BMS1: variants seen among roughly 807,000 people sequenced by gnomAD.
BMS1 encodes BMS1 ribosome biogenesis factor, also known as ribosome biogenesis protein BMS1 homolog.
Under a neutral mutation model 138.7 loss-of-function variants are expected in BMS1, and 53 were observed. The observed-to-expected ratio is 0.38, with a 90% CI of 0.31 to 0.48. The LOEUF (loss-of-function observed/expected upper bound fraction) is 0.48, where lower values mean the gene tolerates loss of function less well. Among genes scored for constraint, BMS1 ranks in the 20% least tolerant of loss-of-function variants. The probability of loss-of-function intolerance (pLI) is 0.97; values close to 1 mark genes in which losing one functional copy is unlikely to be tolerated. For synonymous variants in BMS1, 504 were observed against 539.9 expected (o/e 0.93, Z 0.92); for missense variants, 1,360 against 1,565.5 (o/e 0.87, Z 2.22).
At chr10:42,822,507 A>C (rs1842530014) in intron 19 of BMS1, among the ~76,000 whole-genome samples, 1 of 152,122 alleles carries the variant, frequency 6.6e-6, no homozygotes, top group South Asian at 2.1e-4. Flanking sequence ...ATTTGTGTTA[A>C]GAAAGGGAAA....
Position 42,790,342 on chromosome 10 carries a change from C to G in BMS1, c.467C>G (p.Ala156Gly), listed in dbSNP as rs768339580. The G allele has an allele frequency of 3.7e-6, 6 of 1,613,670 alleles. No individual in the cohort carries two copies. The African/African-American group carries it at 5.3e-5, about 14-fold the overall frequency. Reference protein sequence around the residue: ...VADLVLMLIDASFGFEMETFE... With the variant: ...VADLVLMLIDGSFGFEMETFE... Reference sequence around the variant, plus strand: ...TTTTAGGTACTGATGCTTATAGATGCCAGCTTTGGGTTTGAAATGGAAACG... The same window carrying G: ...TTTTAGGTACTGATGCTTATAGATGGCAGCTTTGGGTTTGAAATGGAAACG... Residue 156 changes from alanine to glycine, a missense_variant, in exon 5 of 23, where the codon GCC becomes GGC. Transcript: ENST00000374518.
chr10:42,822,129 A>G lies in BMS1; in HGVS notation c.3077A>G (p.Lys1026Arg), dbSNP rs1842519277. ...DLDKSIKIVK[K>R]LKLTGFPYKI... is the part of the protein sequence containing the mutation. ...GATAAATCCATAAAAATTGTGAAGA[A>G]ATTAAAGCTAACTGGTTTTCCATAT... is the stretch of plus-strand genomic sequence containing the variant. The change falls in exon 19 of 23, where the codon AAA becomes AGA. Residue 1026 changes from lysine to arginine, a missense_variant. This residue lies in a region of BMS1 where 425 missense variants were observed against 568.3 expected (regional missense o/e 0.75). Coordinates refer to ENST00000374518, the MANE Select transcript of BMS1 (RefSeq NM_014753.4). 1 of 1,550,622 alleles carries G rather than the reference A, an allele frequency of 6.4e-7. No individual in the cohort carries two copies.
chr10:42,816,981 T>G (rs528865621), intron 14 of BMS1, among the ~76,000 whole-genome samples: 1 of 152,186 alleles, frequency 6.6e-6, no homozygotes, highest in Non-Finnish European at 1.5e-5. Flanking sequence ...TAAATTTAAG[T>G]GTCATTTAAA....
intron 8 of BMS1, among the ~76,000 whole-genome samples, chr10:42,793,384 C>T (rs2132309422): frequency 6.6e-6 from 1 of 152,088 alleles, no homozygotes; most frequent in South Asian, 2.1e-4. Context: ...CCAGCACAGG[C>T]ATTGCTGCTG....
chr10:42,798,732 C>A, intron 12 of BMS1, 107 bp downstream of exon 12: 3 of 1,424,940 alleles, frequency 2.1e-6, no homozygotes, highest in Non-Finnish European at 2.9e-6. Flanking sequence ...CTTATTTTTA[C>A]AGGATTACAG....
chr10:42,790,267 AGT>A, intron 4 of BMS1, 54 bp from the exon 5 acceptor site: 3 of 1,580,882 alleles, frequency 1.9e-6, no homozygotes, highest in Non-Finnish European at 2.6e-6. Flanking sequence ...GCCAACCCTT[AGT>A]GTAGGTGGTC....
Position 42,790,325 on chromosome 10 carries a change from A to G in BMS1, c.450A>G (p.Val150=), listed in dbSNP as rs754247785. The G allele has an allele frequency of 6.2e-7, 1 of 1,613,544 alleles. No individual in the cohort carries two copies. The highest frequency in any genetic ancestry group is 8.5e-7 in the Non-Finnish European group (1 of 1,179,816). The change falls in exon 5 of 23, where the codon GTA becomes GTG. Residue 150 remains valine, a splice_region_variant and synonymous_variant. Coordinates refer to ENST00000374518, the MANE Select transcript of BMS1 (RefSeq NM_014753.4). ...MIDLAKVADL[V]LMLIDASFGF... Reference sequence around the variant, plus strand: ...GAAATTATGTGTTCTGCTTTTAGGTACTGATGCTTATAGATGCCAGCTTTG... The same window carrying G: ...GAAATTATGTGTTCTGCTTTTAGGTGCTGATGCTTATAGATGCCAGCTTTG...
At chr10:42,798,752 C>A in intron 12 of BMS1, 127 bp downstream of exon 12, 1 of 1,338,726 alleles carries the variant, frequency 7.5e-7, no homozygotes, top group Non-Finnish European at 1.0e-6. Flanking sequence ...GGTCATTCTC[C>A]CAGATATTGT....
chr10:42,793,763 T>C (rs1472002352), intron 8 of BMS1, 89 bp from the exon 9 acceptor site: 7 of 1,447,354 alleles, frequency 4.8e-6, no homozygotes, highest in Non-Finnish European at 5.6e-6. Flanking sequence ...GAAATGTGTC[T>C]AAGATAATTT....
At chr10:42,791,382 G>T (rs546086487) in intron 5 of BMS1, among the ~76,000 whole-genome samples, 1 of 152,196 alleles carries the variant, frequency 6.6e-6, no homozygotes, top group South Asian at 2.1e-4. Flanking sequence ...TCTGTGCTCA[G>T]ACGCCTCACC....
At chr10:42,828,608 C>G (rs1842722863) in intron 21 of BMS1, among the ~76,000 whole-genome samples, 1 of 151,492 alleles carries the variant, frequency 6.6e-6, no homozygotes, top group South Asian at 2.1e-4. Flanking sequence ...CAATTGGCCT[C>G]TTCAGTTTTT....
Position 42,820,291 on chromosome 10 carries a change from G to C in BMS1, c.2636G>C (p.Gly879Ala). The C allele has an allele frequency of 6.2e-7, 1 of 1,613,594 alleles. No individual in the cohort carries two copies. Among genetic ancestry groups the C allele is most frequent in the Non-Finnish European group, 8.5e-7 (1 of 1,179,860 alleles). Residue 879 changes from glycine (G) to alanine (A), a missense_variant, in exon 16 of 23, where the codon GGT (glycine) becomes GCT (alanine). By Grantham distance (60) the Gly-to-Ala change is moderately conservative (BLOSUM62 0). This residue lies in a region of BMS1 where 425 missense variants were observed against 568.3 expected (regional missense o/e 0.75). Coordinates refer to ENST00000374518, the MANE Select transcript of BMS1 (RefSeq NM_014753.4). ...GATGAAGCCAGAGTTCAGTATGAGG[G>C]TTTTCGACCTGGGATGTACGTCCGC... ...QDDEARVQYE[G>A]FRPGMYVRIE...
At chr10:42,813,748 G>A (rs201909779) in intron 13 of BMS1, among the ~76,000 whole-genome samples, 2 of 151,892 alleles carry the variant, frequency 1.3e-5, no homozygotes, top group East Asian at 3.9e-4. Context: ...TTAATTTTTT[G>A]TATTGTGGAA....
intron 22 of BMS1, 73 bp downstream of exon 22, chr10:42,830,495 T>C: frequency 1.3e-6 from 2 of 1,526,598 alleles, no homozygotes; most frequent in Non-Finnish European, 1.8e-6. Context: ...ACACTTCCTG[T>C]TTCTACTGTA....
At chr10:42,821,879 ACCAACTTTAAAGTTTTGGATTG>A (rs1193845884) in intron 18 of BMS1, among the ~76,000 whole-genome samples, 161 bp from the exon 19 acceptor site, 4 of 152,138 alleles carry the variant, frequency 2.6e-5, no homozygotes, top group Non-Finnish European at 5.9e-5. Flanking sequence ...AGTTTGGCTT[ACCAACTTTAAAGTTTTGGATTG>A]CTTTTGTCAA....
At chr10:42,805,018 C>T (rs926241422) in intron 13 of BMS1, among the ~76,000 whole-genome samples, 1 of 152,080 alleles carries the variant, frequency 6.6e-6, no homozygotes, top group Non-Finnish European at 1.5e-5. Flanking sequence ...GTGCCCTGCC[C>T]AAAATTTTCT....
At chr10:42,800,286 G>T (rs979376253) in intron 12 of BMS1, among the ~76,000 whole-genome samples, 1 of 152,148 alleles carries the variant, frequency 6.6e-6, no homozygotes, top group Non-Finnish European at 1.5e-5. Flanking sequence ...CTGCTTCCCA[G>T]GTGATGGTGT....
At chr10:42,822,949 C>A (rs777458102) in intron 19 of BMS1, among the ~76,000 whole-genome samples, 169 bp from the exon 20 acceptor site, 20 of 152,156 alleles carry the variant, frequency 1.3e-4, no homozygotes, top group Non-Finnish European at 2.8e-4. Flanking sequence ...GACTTGTATT[C>A]TTTTTGAGAT....
intron 4 of BMS1, among the ~76,000 whole-genome samples, chr10:42,789,224 A>G (rs2132299230): frequency 6.6e-6 from 1 of 152,342 alleles, no homozygotes; most frequent in South Asian, 2.1e-4. Flanking sequence ...ACTCTGTGGC[A>G]TCAAATGTAG....
Sources: allele counts gnomAD v4.1 joint callset (sites outside exome capture counted in the v4.1 genomes callset), GRCh38; gene constraint gnomAD v4.1.1; regional missense constraint gnomAD v4.1.1; transcripts MANE v1.5; gene names NCBI Gene and HGNC (gene_info 2026-07-23, HGNC 2026-07-21).